The following PPP2R5E variants were observed in gnomAD, a reference collection of about 807,000 sequenced individuals.
PPP2R5E encodes the protein protein phosphatase 2 regulatory subunit B'epsilon.
PPP2R5E carries 4 observed loss-of-function variants against 65.3 expected under a neutral mutation model. That is an observed-to-expected ratio of 0.06 (90% CI 0.03 to 0.14). PPP2R5E has a LOEUF of 0.14. Ranked by LOEUF, PPP2R5E falls within the 10% of genes least tolerant of loss-of-function variation. The pLI, the probability that PPP2R5E is intolerant of heterozygous loss-of-function variation, is 1.00. For missense variants in PPP2R5E, 274 were observed against 556.1 expected, an observed-to-expected ratio of 0.49 and a Z score of 5.10; for synonymous variants, 183 against 187.4, an observed-to-expected ratio of 0.98 and a Z score of 0.19.
intron 10 of PPP2R5E, among the ~76,000 whole-genome samples, chr14:63,390,635 T>C (rs536076988): frequency 2.1e-4 from 32 of 152,354 alleles, no homozygotes; most frequent in African/African-American, 7.7e-4. Flanking sequence ...AGAAATTAAA[T>C]GACTTTCTGA....
intron 4 of PPP2R5E, among the ~76,000 whole-genome samples, chr14:63,416,211 T>A (rs1428432392): frequency 6.6e-6 from 1 of 152,212 alleles, no homozygotes; most frequent in East Asian, 1.9e-4. Context: ...TCTCAGCTAC[T>A]CAGAAGGCTG....
intron 2 of PPP2R5E, among the ~76,000 whole-genome samples, chr14:63,520,677 T>G (rs978494230): frequency 8.6e-5 from 13 of 152,008 alleles, no homozygotes; most frequent in Non-Finnish European, 1.5e-5. Flanking sequence ...AGCCAGGTCC[T>G]AGGCGGACTC....
At chr14:63,506,516 T>C (rs1215816360) in intron 2 of PPP2R5E, among the ~76,000 whole-genome samples, 1 of 152,110 alleles carries the variant, frequency 6.6e-6, no homozygotes, top group Non-Finnish European at 1.5e-5. Flanking sequence ...AGGATTTGAA[T>C]AGACATTTCT....
intron 2 of PPP2R5E, chr14:63,479,156 A>C (rs1272673609): frequency 2.0e-5 from 3 of 152,176 alleles, no homozygotes; most frequent in Admixed American, 6.6e-5. Context: ...AAAATCATTA[A>C]GAACAATACC....
At chr14:63,380,779 A>G (rs889098223) in intron 13 of PPP2R5E, among the ~76,000 whole-genome samples, 7 of 152,170 alleles carry the variant, frequency 4.6e-5, no homozygotes, top group African/African-American at 1.4e-4. Context: ...ATTCTCAGCT[A>G]AATACTCACC....
At position 63,395,296 on chromosome 14, in the gene PPP2R5E, A is replaced by G. The variant is rs1355097777; in HGVS notation, c.681-11T>C. ...GTTTCATAAACAAACCTGAGAGAAG[A>G]GGAGAAAAGGGAGGAGAAAGGAGGA... is the stretch of plus-strand genomic sequence containing the variant. On this transcript the variant is annotated splice_polypyrimidine_tract_variant and intron_variant, in intron 6 of 13. Coordinates refer to ENST00000337537, the MANE Select transcript of PPP2R5E (RefSeq NM_006246.5). 1.3e-6 allele frequency: 2 copies of G among 1,582,028 alleles called. No homozygotes were observed. Among genetic ancestry groups the G allele is most frequent in the Admixed American group, 1.7e-5 (1 of 59,558 alleles).
chr14:63,525,379 ATGTAGT>A (rs1893147011), intron 2 of PPP2R5E, among the ~76,000 whole-genome samples: 1 of 152,218 alleles, frequency 6.6e-6, no homozygotes, highest in Non-Finnish European at 1.5e-5. Flanking sequence ...CACTACAGTC[ATGTAGT>A]AACTTCTCCC....
intron 3 of PPP2R5E, among the ~76,000 whole-genome samples, chr14:63,444,060 C>T (rs1041809445): frequency 6.6e-6 from 1 of 152,218 alleles, no homozygotes; most frequent in East Asian, 1.9e-4. Context: ...CTCCGCCACA[C>T]AGAACCTTTC....
intron 2 of PPP2R5E, among the ~76,000 whole-genome samples, chr14:63,462,869 G>A (rs1171323369): frequency 1.3e-5 from 2 of 152,028 alleles, no homozygotes; most frequent in Middle Eastern, 3.4e-3. Context: ...TTGGGAGGCC[G>A]AGGTGGGCAG....
intron 2 of PPP2R5E, among the ~76,000 whole-genome samples, chr14:63,454,166 A>C (rs1047450601): frequency 5.3e-5 from 8 of 152,240 alleles, no homozygotes; most frequent in Admixed American, 2.6e-4. Flanking sequence ...GTTGAAGCAA[A>C]TTTTAACCAA....
At chr14:63,485,700 C>T (rs1285324577) in intron 2 of PPP2R5E, among the ~76,000 whole-genome samples, 1 of 151,974 alleles carries the variant, frequency 6.6e-6, no homozygotes, top group African/African-American at 2.4e-5. Flanking sequence ...AGGCATGAGA[C>T]ACCGCGCCCA....
chr14:63,489,613 T>C (rs1891188246), intron 2 of PPP2R5E, among the ~76,000 whole-genome samples: 1 of 152,034 alleles, frequency 6.6e-6, no homozygotes. Flanking sequence ...TTTTGCCACA[T>C]TGCCCAGGCT....
At position 63,543,349 on chromosome 14, in the gene PPP2R5E, CA is replaced by C. The variant is rs566568986; in HGVS notation, c.-579del. ...TATCACCGGGCGGCTGAGTCCATGG[CA>C]CACGCGCAACCGAACCTTCTGGCCA... On this transcript the variant is annotated 5_prime_UTR_variant, in exon 1 of 14. Coordinates refer to ENST00000337537, the MANE Select transcript of PPP2R5E (RefSeq NM_006246.5). 939 of 153,198 alleles carry C rather than the reference CA, an allele frequency of 6.1e-3. 6 individuals are homozygous for C. The highest frequency in any genetic ancestry group is 9.0e-3 in the Non-Finnish European group (613 of 68,416). The allele number at this position is 153,198 out of a possible 1,614,324, so 9.5% of individuals were successfully genotyped here.
At chr14:63,462,180 C>G (rs1289239018) in intron 2 of PPP2R5E, among the ~76,000 whole-genome samples, 1 of 152,034 alleles carries the variant, frequency 6.6e-6, no homozygotes, top group Non-Finnish European at 1.5e-5. Context: ...ACGCCATTCT[C>G]CTGCTTCAGC....
chr14:63,438,756 A>G (rs1016281700), intron 3 of PPP2R5E, among the ~76,000 whole-genome samples: 11 of 152,222 alleles, frequency 7.2e-5, no homozygotes, highest in African/African-American at 2.4e-4. Context: ...TGGCTTCCTG[A>G]GTAAAAACCC....
intron 2 of PPP2R5E, among the ~76,000 whole-genome samples, chr14:63,517,447 T>C (rs1892711602): frequency 8.1e-6 from 1 of 122,762 alleles, no homozygotes; most frequent in Admixed American, 7.1e-5. Context: ...GGTACAAGAG[T>C]GGTCATTTAA....
At chr14:63,470,793 G>T (rs1890086210) in intron 2 of PPP2R5E, among the ~76,000 whole-genome samples, 2 of 148,242 alleles carry the variant, frequency 1.3e-5, no homozygotes, top group African/African-American at 2.5e-5. Flanking sequence ...GGAGGTTGAG[G>T]TGGGAAGATC....
chr14:63,391,516 C>T (rs1344691446), intron 10 of PPP2R5E, among the ~76,000 whole-genome samples: 1 of 152,116 alleles, frequency 6.6e-6, no homozygotes, highest in Non-Finnish European at 1.5e-5. Flanking sequence ...TTCTGCCTCC[C>T]GGGTTCAAGC....
chr14:63,524,867 CAG>C (rs1379141264), intron 2 of PPP2R5E, among the ~76,000 whole-genome samples: 2 of 152,206 alleles, frequency 1.3e-5, no homozygotes, highest in African/African-American at 4.8e-5. Context: ...TCACCACCTT[CAG>C]TCTCCTCGTA....
Sources: allele counts gnomAD v4.1 joint callset (sites outside exome capture counted in the v4.1 genomes callset), GRCh38; gene constraint gnomAD v4.1.1; transcripts MANE v1.5; gene names NCBI Gene and HGNC (gene_info 2026-07-23, HGNC 2026-07-21).